FAM186A: variants seen among roughly 807,000 people sequenced by gnomAD.
The protein encoded by FAM186A is family with sequence similarity 186 member A.
A neutral mutation model predicts 216.8 loss-of-function variants in FAM186A; 163 were observed. That is an observed-to-expected ratio of 0.75 (90% CI 0.66 to 0.86). FAM186A has a LOEUF of 0.86. Among genes scored for constraint, FAM186A ranks in the 40% least tolerant of loss-of-function variants. The probability of loss-of-function intolerance (pLI) is 0.00; values close to 1 mark genes in which losing one functional copy is unlikely to be tolerated. For synonymous variants in FAM186A, 805 were observed against 1,025.3 expected (o/e 0.79, Z 4.10); for missense variants, 2,184 against 2,746.2 (o/e 0.80, Z 4.58).
chr12:50,352,651 G>T lies in FAM186A; in HGVS notation c.4181C>A (p.Ala1394Asp), dbSNP rs566094479. The change falls in exon 4 of 8, where the codon GCC (alanine) becomes GAC (aspartate). Residue 1394 changes from alanine (A) to aspartate (D), a missense_variant. Ala to Asp is a moderately radical substitution (Grantham distance 126). Around this residue, in one of 7 missense-constraint regions of FAM186A, gnomAD observed 267 missense variants for 446.2 expected, o/e 0.60. Transcript: ENST00000327337. ...CTGAGTGGTGAGAGGCATCCCCAAG[G>T]CCTGAGCCTGCTGAGGGGTGAGAGG... ...GIPLTPQQAQ[A>D]LGMPLTTQQA... 4.6e-6 allele frequency: 7 copies of T among 1,522,344 alleles called. No homozygotes were observed. Among genetic ancestry groups the T allele is most frequent in the Admixed American group, 4.1e-5 (2 of 48,636 alleles). 94.3% of individuals were successfully genotyped at this position (1,522,344 alleles called of 1,614,324 possible). A position where few individuals can be genotyped will look rare whatever the true frequency, so the allele number is the denominator to read the frequency against.
chr12:50,347,924 A>T (rs1435639180), intron 4 of FAM186A, among the ~76,000 whole-genome samples: 1 of 151,438 alleles, frequency 6.6e-6, no homozygotes, highest in African/African-American at 2.4e-5. Flanking sequence ...TGTTTTTTTG[A>T]GACGACGGCA....
rs777721827 is a variant in FAM186A at position 50,351,040 on chromosome 12, G to A, written c.5792C>T (p.Pro1931Leu). Reference protein sequence around the residue: ...SLWIPPTSRHPPTLWPSPAPG... With the variant: ...SLWIPPTSRHLPTLWPSPAPG... ...GGCTGGGGACGGCCATAGTGTGGGA[G>A]GATGTCTAGAGGTGGGAGGGATCCA... Residue 1931 changes from proline to leucine, a missense_variant, in exon 4 of 8, where the codon CCT becomes CTT. Physicochemically the swap from Pro to Leu is moderately conservative, Grantham distance 98. This residue lies in a region of FAM186A where 721 missense variants were observed against 816.4 expected (regional missense o/e 0.88). Transcript: ENST00000327337. The A allele has an allele frequency of 1.6e-5, 25 of 1,551,336 alleles. No individual in the cohort carries two copies. Among genetic ancestry groups the A allele is most frequent in the Admixed American group, 2.0e-5 (1 of 50,970 alleles).
In FAM186A at chr12:50,352,901, G is replaced by T; in HGVS notation, c.3931C>A (p.Leu1311Met). The stretch of plus-strand genomic sequence containing the variant: ...TGCTGAGGGGTGAAAGGGATCCCCA[G>T]AGCCTGTGCCTGCTTAGGGGTGAGA... ...IPLTPKQAQA[L>M]GIPFTPQQAQ... Residue 1311 changes from leucine to methionine, a missense_variant, in exon 4 of 8, where the codon CTG (leucine) becomes ATG (methionine). Coordinates refer to ENST00000327337, the MANE Select transcript of FAM186A (RefSeq NM_001145475.3). The T allele has an allele frequency of 6.5e-7, 1 of 1,529,662 alleles. No homozygotes were observed. The allele number at this position is 1,529,662 out of a possible 1,614,324, so 94.8% of individuals were successfully genotyped here. A position where few individuals can be genotyped will look rare whatever the true frequency, so the allele number is the denominator to read the frequency against.
chr12:50,334,137 AG>A (rs1942684476), intron 4 of FAM186A, 34 bp from the exon 5 acceptor site: 1 of 1,470,972 alleles, frequency 6.8e-7, no homozygotes, highest in Non-Finnish European at 9.1e-7. Context: ...GAGCGATAAT[AG>A]TTGCAGACCC....
At chr12:50,343,998 CACCTTGGCCTCCCAAAGT>C (rs1470385068) in intron 4 of FAM186A, among the ~76,000 whole-genome samples, 1 of 150,440 alleles carries the variant, frequency 6.6e-6, no homozygotes, top group African/African-American at 2.4e-5. Context: ...AGTGATTCAC[CACCTTGGCCTCCCAAAGT>C]ACTAGGATTA....
intron 1 of FAM186A, among the ~76,000 whole-genome samples, chr12:50,373,009 AAGAAAGAAAGAAAG>A (rs1403374194): frequency 1.1e-5 from 1 of 94,718 alleles, no homozygotes; most frequent in Non-Finnish European, 2.1e-5. Context: ...GAAAGAAAGA[AAGAAAGAAAGAAAG>A]AAAGAAAGAA....
chr12:50,354,675 C>T lies in FAM186A; in HGVS notation c.2157G>A (p.Glu719=), dbSNP rs1180322502. Residue 719 remains glutamate (E), a synonymous_variant, in exon 4 of 8, where the codon GAG becomes GAA. Transcript: ENST00000327337. ...EKLGIIKAKM[E]EYFQKVAETV... ...TTTCAGCCACTTTTTGGAAATATTC[C>T]TCCATTTTTGCCTTTATGATTCCTA... 3 of 1,548,544 alleles carry T rather than the reference C, an allele frequency of 1.9e-6. No homozygotes were observed. The highest frequency in any genetic ancestry group is 2.7e-5 in the African/African-American group (2 of 72,944).
At position 50,352,495 on chromosome 12, in the gene FAM186A, G is replaced by A. The variant is rs1383726417; in HGVS notation, c.4337C>T (p.Pro1446Leu). ...CTCCTGAGCCTGCTGAGCGGTGAGA[G>A]GCATCCCCAGGGCCTGGGCCTGCTG... is the stretch of plus-strand genomic sequence containing the variant. ...TPQQAQALGM[P>L]LTAQQAQELG... The change falls in exon 4 of 8, where the codon CCT (proline) becomes CTT (leucine). Residue 1446 changes from proline to leucine, a missense_variant. Pro to Leu is a moderately conservative substitution (Grantham distance 98). Coordinates refer to ENST00000327337, the MANE Select transcript of FAM186A (RefSeq NM_001145475.3). 27 of 1,498,142 alleles carry A rather than the reference G, an allele frequency of 1.8e-5. No individual in the cohort carries two copies. Among genetic ancestry groups the A allele is most frequent in the Non-Finnish European group, 2.4e-5 (27 of 1,115,840 alleles). The allele number at this position is 1,498,142 out of a possible 1,614,324, so 92.8% of individuals were successfully genotyped here. A position where few individuals can be genotyped will look rare whatever the true frequency, so the allele number is the denominator to read the frequency against.
intron 4 of FAM186A, among the ~76,000 whole-genome samples, chr12:50,345,917 T>C (rs561813021): frequency 6.7e-6 from 1 of 150,080 alleles, no homozygotes; most frequent in African/African-American, 2.4e-5. Context: ...AGGAATATCA[T>C]TGAATCTGTA....
chr12:50,332,942 C>A (rs1281149029), intron 5 of FAM186A, among the ~76,000 whole-genome samples: 6 of 151,962 alleles, frequency 3.9e-5, no homozygotes, highest in Non-Finnish European at 4.4e-5. Context: ...GCAGGAGAAT[C>A]ACTTGAACCC....
At chr12:50,356,316 A>G (rs750866352) in intron 3 of FAM186A, 68 bp from the exon 4 acceptor site, 296 of 1,284,114 alleles carry the variant, frequency 2.3e-4, no homozygotes, top group Non-Finnish European at 2.9e-4. Flanking sequence ...ATCTATGTTT[A>G]AATCTAAGGA....
At chr12:50,343,972 C>T (rs537657628) in intron 4 of FAM186A, among the ~76,000 whole-genome samples, 13 of 144,250 alleles carry the variant, frequency 9.0e-5, no homozygotes, top group Non-Finnish European at 1.6e-4. Flanking sequence ...AGGCTGGTCT[C>T]GAACTCCTGG....
At chr12:50,374,123 G>T (rs2136102482) in intron 1 of FAM186A, among the ~76,000 whole-genome samples, 1 of 143,370 alleles carries the variant, frequency 7.0e-6, no homozygotes, top group Admixed American at 7.4e-5. Flanking sequence ...GACACAGGAA[G>T]GGGAACATCA....
At chr12:50,332,921 G>T (rs1022422468) in intron 5 of FAM186A, among the ~76,000 whole-genome samples, 2 of 151,794 alleles carry the variant, frequency 1.3e-5, no homozygotes, top group Non-Finnish European at 2.9e-5. Flanking sequence ...CCAACTACTC[G>T]GGAGGGTGAG....
chr12:50,351,659 C>T lies in FAM186A; in HGVS notation c.5173G>A (p.Gly1725Arg). ...FQKSKASLPTGQSIISRLSPS... is the reference protein window; with the variant it reads ...FQKSKASLPTRQSIISRLSPS... ...GACAATCTTGATATGATGGATTGCC[C>T]AGTGGGGAGAGAAGCCTTCGATTTC... is the stretch of plus-strand genomic sequence containing the variant. The change falls in exon 4 of 8, where the codon GGG becomes AGG. Residue 1725 changes from glycine (G) to arginine (R), a missense_variant. Physicochemically the swap from Gly to Arg is moderately radical, Grantham distance 125. Around this residue, in one of 7 missense-constraint regions of FAM186A, gnomAD observed 721 missense variants for 816.4 expected, o/e 0.88. Coordinates refer to ENST00000327337, the MANE Select transcript of FAM186A (RefSeq NM_001145475.3). 7 of 1,551,570 alleles carry T rather than the reference C, an allele frequency of 4.5e-6. No individual in the cohort carries two copies. Among genetic ancestry groups the T allele is most frequent in the Non-Finnish European group, 5.2e-6 (6 of 1,146,914 alleles).
intron 1 of FAM186A, 81 bp downstream of exon 1, chr12:50,396,212 C>T: frequency 7.5e-7 from 1 of 1,331,716 alleles, no homozygotes; most frequent in Non-Finnish European, 1.0e-6. Context: ...AAAGTGATTT[C>T]TAAAATAAAC....
intron 1 of FAM186A, among the ~76,000 whole-genome samples, chr12:50,385,243 C>A (rs1318039358): frequency 4.0e-5 from 6 of 149,618 alleles, no homozygotes; most frequent in African/African-American, 9.7e-5. Context: ...CATAGTGAAA[C>A]CTTGTCTCTA....
chr12:50,396,500 G>A lies in FAM186A; in HGVS notation c.-16C>T. ...TGAAGAACATTTTGAAAATGTGGGT[G>A]ATTTCGTTTTATTTCTTCTTTTTCA... is the stretch of plus-strand genomic sequence containing the variant. On this transcript the variant is annotated 5_prime_UTR_variant, in exon 1 of 8. Coordinates refer to ENST00000327337, the MANE Select transcript of FAM186A (RefSeq NM_001145475.3). 1 of 1,531,076 alleles carries A rather than the reference G, an allele frequency of 6.5e-7. No individual in the cohort carries two copies. The allele number at this position is 1,531,076 out of a possible 1,614,324, so 94.8% of individuals were successfully genotyped here. A position where few individuals can be genotyped will look rare whatever the true frequency, so the allele number is the denominator to read the frequency against.
At chr12:50,392,434 A>T (rs2136109038) in intron 1 of FAM186A, 1 of 152,032 alleles carries the variant, frequency 6.6e-6, no homozygotes, top group South Asian at 2.1e-4. Context: ...GCCCGCCACC[A>T]CGCCCGGCTA....
Sources: gnomAD v4.1 joint callset for allele counts (sites outside exome capture counted in the v4.1 genomes callset) on GRCh38, gnomAD v4.1.1 for gene constraint, gnomAD v4.1.1 regional missense constraint, MANE v1.5 for transcripts, NCBI Gene and HGNC (gene_info 2026-07-23, HGNC 2026-07-21) for gene names.